PKHD1: variants seen among roughly 807,000 people sequenced by gnomAD.
PKHD1 encodes the protein fibrocystin.
Under a neutral mutation model 412.0 loss-of-function variants are expected in PKHD1, and 291 were observed. The observed-to-expected ratio is 0.71, with a 90% CI of 0.64 to 0.78. The LOEUF (loss-of-function observed/expected upper bound fraction) is 0.78. Ranked by LOEUF, PKHD1 falls within the 30% of genes least tolerant of loss-of-function variation. PKHD1 has a pLI of 0.00. For synonymous variants in PKHD1, 1,777 were observed against 1,821.5 expected (o/e 0.98, Z 0.62); for missense variants, 4,825 against 4,950.7 (o/e 0.97, Z 0.76).
At chr6:51,827,142 T>A (rs1174307852) in intron 52 of PKHD1, among the ~76,000 whole-genome samples, 1 of 152,070 alleles carries the variant, frequency 6.6e-6, no homozygotes, top group East Asian at 1.9e-4. Flanking sequence ...AAAAATGGGT[T>A]TTTACTGTAA....
At chr6:51,902,665 G>A (rs1781465429) in intron 43 of PKHD1, among the ~76,000 whole-genome samples, 1 of 152,170 alleles carries the variant, frequency 6.6e-6, no homozygotes, top group African/African-American at 2.4e-5. Context: ...TCCTGAAACA[G>A]TGAGGCCCTT....
chr6:51,770,943 G>GT (rs572076215), intron 55 of PKHD1, among the ~76,000 whole-genome samples: 53 of 152,120 alleles, frequency 3.5e-4, no homozygotes, highest in African/African-American at 1.3e-3. Context: ...AATAATGTGG[G>GT]TGGGCCTCAT....
intron 36 of PKHD1, among the ~76,000 whole-genome samples, chr6:51,955,808 G>A (rs1791037429): frequency 6.6e-6 from 1 of 151,900 alleles, no homozygotes; most frequent in African/African-American, 2.4e-5. Context: ...AAAATCTTTT[G>A]AAGAAATTAT....
intron 60 of PKHD1, among the ~76,000 whole-genome samples, chr6:51,696,315 A>G (rs569648084): frequency 6.6e-6 from 1 of 152,222 alleles, no homozygotes; most frequent in Non-Finnish European, 1.5e-5. Context: ...CTTTAATCAT[A>G]GATACATCAG....
chr6:51,632,860 A>G (rs1476774372), intron 64 of PKHD1, 137 bp from the exon 65 acceptor site: 19 of 540,954 alleles, frequency 3.5e-5, no homozygotes, highest in Non-Finnish European at 4.8e-5. Context: ...TAAATTTAAT[A>G]AATACATAAA....
rs148266592 is a variant in PKHD1 at position 52,022,191 on chromosome 6, A to C, written c.5380+610T>G. Among the ~76,000 whole-genome samples, 51 of 152,358 alleles carry C rather than the reference A, an allele frequency of 3.3e-4. 2 individuals are homozygous for C. The East Asian group carries it at 9.0e-3, about 27-fold the overall frequency. On this transcript the variant is annotated intron_variant, in intron 33 of 66. Transcript: ENST00000371117. ...TTTCCCCACAAAGACACGGCTTCTC[A>C]TACCACAATTTATATGATCACTACG...
chr6:51,705,804 A>G (rs2150731576), intron 60 of PKHD1, among the ~76,000 whole-genome samples: 1 of 152,266 alleles, frequency 6.6e-6, no homozygotes, highest in Middle Eastern at 3.4e-3. Context: ...CCAAAAAATA[A>G]AAATTAAAAA....
intron 66 of PKHD1, among the ~76,000 whole-genome samples, chr6:51,626,399 G>A (rs1425712393): frequency 6.6e-6 from 1 of 152,094 alleles, no homozygotes; most frequent in Non-Finnish European, 1.5e-5. Flanking sequence ...TTCTTAGTAG[G>A]ACAAGGGCAA....
intron 37 of PKHD1, among the ~76,000 whole-genome samples, chr6:51,922,393 A>G (rs1209940463): frequency 6.6e-6 from 1 of 152,196 alleles, no homozygotes; most frequent in Non-Finnish European, 1.5e-5. Flanking sequence ...CATTTAGGCT[A>G]CTCAGGGTCA....
intron 36 of PKHD1, among the ~76,000 whole-genome samples, chr6:51,948,026 A>G (rs1027317805): frequency 6.6e-6 from 1 of 152,028 alleles, no homozygotes; most frequent in African/African-American, 2.4e-5. Context: ...CTCCATAATC[A>G]ATACTTCAGG....
intron 66 of PKHD1, 71 bp from the exon 67 acceptor site, chr6:51,619,591 T>C: frequency 8.1e-7 from 1 of 1,235,674 alleles, no homozygotes; most frequent in Non-Finnish European, 1.2e-6. Flanking sequence ...TTTGCATACT[T>C]AGCATTTCTG....
chr6:51,891,343 G>C (rs770517634), intron 43 of PKHD1, among the ~76,000 whole-genome samples: 7 of 151,982 alleles, frequency 4.6e-5, no homozygotes, highest in Non-Finnish European at 2.9e-5. Context: ...GCAATGGCAC[G>C]ATCTCGGCTC....
At chr6:51,779,889 G>A (rs2094260) in intron 53 of PKHD1, among the ~76,000 whole-genome samples, 114,376 of 152,104 alleles carry the variant, frequency 0.75, 43,235 homozygotes, top group East Asian at 0.97. Flanking sequence ...CAAAGAATGC[G>A]CATTCTTTTA....
rs1791110020 is a variant in PKHD1, at chr6:51,776,888, T to C, written c.8441-967A>G. ...AGTTTGGTATGAAAATTCATACTTC[T>C]ATGGTATGAGAATTGTTCAGGGAAT... On this transcript the variant is annotated intron_variant, in intron 53 of 66. Coordinates refer to ENST00000371117, the MANE Select transcript of PKHD1 (RefSeq NM_138694.4). Among the ~76,000 whole-genome samples the C allele has an allele frequency of 2.0e-5, 3 of 152,232 alleles. No individual in the cohort carries two copies. The South Asian group carries it at 6.2e-4, about 32-fold the overall frequency.
chr6:51,694,715 C>T (rs1313687970), intron 60 of PKHD1, among the ~76,000 whole-genome samples: 2 of 151,886 alleles, frequency 1.3e-5, no homozygotes, highest in Non-Finnish European at 2.9e-5. Context: ...ATTTGTAAGT[C>T]GTGAGTAACC....
intron 52 of PKHD1, among the ~76,000 whole-genome samples, chr6:51,799,919 C>T (rs1192722761): frequency 6.6e-6 from 1 of 152,166 alleles, no homozygotes; most frequent in Non-Finnish European, 1.5e-5. Flanking sequence ...CCAGTGCTTT[C>T]CACCGTGTCC....
At chr6:51,755,036 T>C (rs1786731581) in intron 55 of PKHD1, 98 bp from the exon 56 acceptor site, 4 of 1,002,808 alleles carry the variant, frequency 4.0e-6, no homozygotes, top group South Asian at 1.3e-5. Context: ...GTGACCAACA[T>C]ATCCCACCAG....
Position 52,022,908 on chromosome 6 carries a change from G to T in PKHD1, c.5273C>A (p.Ala1758Glu). The change falls in exon 33 of 67, where the codon GCG becomes GAG. Residue 1758 changes from alanine to glutamate, a missense_variant. Transcript: ENST00000371117. ...LGGRLVHVFGAGFSPGNVSAA... is the reference protein window; with the variant it reads ...LGGRLVHVFGEGFSPGNVSAA... Reference sequence around the variant, plus strand: ...TGAGACATTCCCTGGAGAAAATCCCGCTCCAAACACATGCACCAGCCTTCC... The same window carrying T: ...TGAGACATTCCCTGGAGAAAATCCCTCTCCAAACACATGCACCAGCCTTCC... 6.2e-7 allele frequency: 1 copy of T among 1,614,042 alleles called. No individual in the cohort carries two copies. The highest frequency in any genetic ancestry group is 8.5e-7 in the Non-Finnish European group (1 of 1,180,006).
At chr6:51,749,871 G>C (rs1479258117) in intron 57 of PKHD1, among the ~76,000 whole-genome samples, 1 of 152,142 alleles carries the variant, frequency 6.6e-6, no homozygotes, top group Non-Finnish European at 1.5e-5. Flanking sequence ...TGTGTCCTTT[G>C]CTAGGTAGGT....
Sources: allele counts gnomAD v4.1 joint callset (sites outside exome capture counted in the v4.1 genomes callset), GRCh38; gene constraint gnomAD v4.1.1; transcripts MANE v1.5; gene names NCBI Gene and HGNC (gene_info 2026-07-23, HGNC 2026-07-21).